The following LINGO2 variants were observed in gnomAD, a reference collection of about 807,000 sequenced individuals.
LINGO2 encodes the protein leucine rich repeat and Ig domain containing 2.
Under a neutral mutation model 30.6 loss-of-function variants are expected in LINGO2, and 14 were observed. The ratio of observed to expected loss-of-function variants is 0.46; its 90% confidence interval spans 0.30 to 0.72. LINGO2 has a LOEUF of 0.72. LINGO2 is among the 30% of genes least tolerant of loss of function. The pLI, the probability that LINGO2 is intolerant of heterozygous loss-of-function variation, is 0.07. For synonymous variants in LINGO2, 317 were observed against 288.5 expected, an observed-to-expected ratio of 1.10 and a Z score of -1.00; for missense variants, 729 against 751.7, an observed-to-expected ratio of 0.97 and a Z score of 0.35.
chr9:28,802,830 C>G, the LINGO2 span, among the ~76,000 whole-genome samples: 1 of 152,012 alleles, frequency 6.6e-6, no homozygotes, highest in Admixed American at 6.6e-5. Flanking sequence ...TCTTTGGGCT[C>G]TAGTTCTCTC....
At chr9:28,282,909 C>T (rs1823379184) in intron 4 of LINGO2, among the ~76,000 whole-genome samples, 1 of 152,162 alleles carries the variant, frequency 6.6e-6, no homozygotes, top group African/African-American at 2.4e-5. Flanking sequence ...GTCCCAGTAA[C>T]TGACAGAATG....
At chr9:28,591,295 A>C in intron 1 of LINGO2, among the ~76,000 whole-genome samples, 1 of 151,996 alleles carries the variant, frequency 6.6e-6, no homozygotes, top group Non-Finnish European at 1.5e-5. Flanking sequence ...GTACCCTAAA[A>C]CTTAAAGTAT....
chr9:28,651,102 T>C (rs1461372311), intron 1 of LINGO2, among the ~76,000 whole-genome samples: 1 of 151,064 alleles, frequency 6.6e-6, no homozygotes, highest in Non-Finnish European at 1.5e-5. Context: ...GAGAATGGCA[T>C]GAACCCGGAG....
intron 3 of LINGO2, among the ~76,000 whole-genome samples, chr9:28,360,835 C>T (rs1306757410): frequency 1.3e-5 from 2 of 152,080 alleles, no homozygotes; most frequent in African/African-American, 2.4e-5. Context: ...TTCTTCTATT[C>T]CTGAGTATGA....
At chr9:28,503,005 A>G (rs558606214) in intron 1 of LINGO2, among the ~76,000 whole-genome samples, 1 of 152,212 alleles carries the variant, frequency 6.6e-6, no homozygotes, top group African/African-American at 2.4e-5. Context: ...GAGCACTTAG[A>G]GGCAAAATGT....
the LINGO2 span, among the ~76,000 whole-genome samples, chr9:28,840,387 A>C: frequency 6.6e-6 from 1 of 151,994 alleles, no homozygotes; most frequent in South Asian, 2.1e-4. Context: ...CAAAGCCTGT[A>C]AGTTTTATCA....
chr9:27,974,581 G>C (rs1463771522), intron 5 of LINGO2, among the ~76,000 whole-genome samples: 1 of 152,014 alleles, frequency 6.6e-6, no homozygotes, highest in Non-Finnish European at 1.5e-5. Context: ...TTACCACCCG[G>C]TATTGCATGC....
At chr9:29,137,137 T>C in the LINGO2 span, among the ~76,000 whole-genome samples, 2 of 152,126 alleles carry the variant, frequency 1.3e-5, no homozygotes, top group African/African-American at 4.8e-5. Flanking sequence ...TTTTATATCA[T>C]TCCCCTTCAC....
intron 4 of LINGO2, among the ~76,000 whole-genome samples, chr9:28,093,776 C>T (rs1023876461): frequency 5.9e-5 from 9 of 151,990 alleles, no homozygotes; most frequent in East Asian, 3.9e-4. Flanking sequence ...GACTGAGCCA[C>T]GAGAAAGCAA....
At chr9:28,644,022 G>T (rs947173469) in intron 1 of LINGO2, among the ~76,000 whole-genome samples, 1 of 151,962 alleles carries the variant, frequency 6.6e-6, no homozygotes, top group Non-Finnish European at 1.5e-5. Flanking sequence ...ATATCCAAAA[G>T]ATAGGCAATA....
chr9:28,623,135 G>A (rs559585943), intron 1 of LINGO2, among the ~76,000 whole-genome samples: 169 of 152,038 alleles, frequency 1.1e-3, no homozygotes, highest in African/African-American at 4.0e-3. Context: ...ATCCCACTCT[G>A]TGGGCTGTCT....
intron 5 of LINGO2, among the ~76,000 whole-genome samples, chr9:27,963,256 T>A (rs1476734543): frequency 6.6e-6 from 1 of 152,128 alleles, no homozygotes; most frequent in Admixed American, 6.6e-5. Context: ...TTTTATAGGA[T>A]AATGGTTTCG....
chr9:28,565,418 C>T (rs575175216), intron 1 of LINGO2, among the ~76,000 whole-genome samples: 38 of 151,334 alleles, frequency 2.5e-4, no homozygotes, highest in African/African-American at 9.0e-4. Context: ...TCGATCTGAC[C>T]TCGTGATACC....
In LINGO2 at chr9:28,091,339, A is replaced by G. The variant is rs1826078819; in HGVS notation, c.-86-78934T>C. On this transcript the variant is annotated intron_variant, in intron 4 of 5. Transcript: ENST00000379992. ...ATACTAGAAGGCTACAGTAACCAAA[A>G]CAGCATGGTACTGGTACCAAAACAG... Among the ~76,000 whole-genome samples the G allele has an allele frequency of 2.6e-5, 4 of 152,328 alleles. No homozygotes were observed. In the South Asian group the frequency reaches 8.3e-4, roughly 32 times the overall value.
the LINGO2 span, among the ~76,000 whole-genome samples, chr9:28,841,172 A>G: frequency 2.0e-5 from 3 of 151,852 alleles, no homozygotes; most frequent in African/African-American, 4.9e-5. Context: ...ATATACTACA[A>G]TAAAATGCAT....
chr9:28,091,133 T>A (rs908063479), intron 4 of LINGO2, among the ~76,000 whole-genome samples: 1 of 152,156 alleles, frequency 6.6e-6, no homozygotes, highest in African/African-American at 2.4e-5. Context: ...AAAATGGCCA[T>A]ATTGCCCAAG....
the LINGO2 span, among the ~76,000 whole-genome samples, chr9:29,066,404 G>A: frequency 1.3e-5 from 2 of 151,884 alleles, no homozygotes; most frequent in African/African-American, 4.8e-5. Flanking sequence ...ACTGAAGAGG[G>A]AATTTGAGAG....
chr9:28,780,784 C>T, the LINGO2 span, among the ~76,000 whole-genome samples: 5 of 151,278 alleles, frequency 3.3e-5, no homozygotes, highest in African/African-American at 1.2e-4. Context: ...TAGTCAAGAG[C>T]GCCTTAACAT....
chr9:28,745,871 T>C, the LINGO2 span, among the ~76,000 whole-genome samples: 3 of 151,372 alleles, frequency 2.0e-5, no homozygotes, highest in Admixed American at 6.6e-5. Flanking sequence ...ATAGCAAAAA[T>C]TGGACTAAAT....
Sources: gnomAD v4.1 joint callset for allele counts (sites outside exome capture counted in the v4.1 genomes callset) on GRCh38, gnomAD v4.1.1 for gene constraint, MANE v1.5 for transcripts, NCBI Gene and HGNC (gene_info 2026-07-23, HGNC 2026-07-21) for gene names.